Variants in AVIL observed in about 807,000 individuals in gnomAD.
AVIL encodes the protein advillin.
AVIL carries 78 observed loss-of-function variants against 109.9 expected under a neutral mutation model. The observed-to-expected ratio is 0.71, with a 90% confidence interval of 0.59 to 0.86. The LOEUF (loss-of-function observed/expected upper bound fraction) is 0.86. Among genes scored for constraint, AVIL ranks in the 40% least tolerant of loss-of-function variants. The probability of loss-of-function intolerance (pLI) is 0.00; values close to 1 mark genes in which losing one functional copy is unlikely to be tolerated. For synonymous variants in AVIL, 367 were observed against 379.1 expected (o/e 0.97, Z 0.37); for missense variants, 892 against 1,016.5 (o/e 0.88, Z 1.67).
chr12:57,810,242 C>G, intron 7 of AVIL, 107 bp downstream of exon 7: 1 of 1,230,546 alleles, frequency 8.1e-7, no homozygotes, highest in Non-Finnish European at 1.1e-6. Flanking sequence ...AGAAGAAAAC[C>G]AGATGGCTAC....
intron 4 of AVIL, among the ~76,000 whole-genome samples, chr12:57,811,638 A>G (rs1956039732): frequency 6.6e-6 from 1 of 152,228 alleles, no homozygotes; most frequent in South Asian, 2.1e-4. Flanking sequence ...GGGAATGCGG[A>G]AGGTAGCCCT....
At chr12:57,810,765 AG>A in intron 6 of AVIL, 50 bp downstream of exon 6, 1 of 1,569,230 alleles carries the variant, frequency 6.4e-7, no homozygotes, top group Non-Finnish European at 8.8e-7. Flanking sequence ...GCCAGCATGG[AG>A]GGAAGAAGAA....
intron 1 of AVIL, among the ~76,000 whole-genome samples, chr12:57,817,157 T>A (rs1040070410): frequency 1.5e-4 from 23 of 152,020 alleles, no homozygotes; most frequent in East Asian, 5.8e-4. Flanking sequence ...ATAACATGCA[T>A]AATTAATGTA....
intron 2 of AVIL, chr12:57,815,532 G>A: frequency 1.7e-6 from 2 of 1,190,710 alleles, no homozygotes; most frequent in South Asian, 1.5e-5. Context: ...CCAAGCCCAA[G>A]AGGAGACGGG....
intron 3 of AVIL, among the ~76,000 whole-genome samples, chr12:57,813,677 CG>C (rs1378514725): frequency 2.6e-5 from 4 of 152,218 alleles, no homozygotes; most frequent in Admixed American, 2.6e-4. Context: ...TAGATACCAA[CG>C]GGGATCTTTT....
chr12:57,816,945 A>G (rs1956107565), intron 1 of AVIL, among the ~76,000 whole-genome samples: 1 of 151,700 alleles, frequency 6.6e-6, no homozygotes, highest in Non-Finnish European at 1.5e-5. Flanking sequence ...TGAACCTCAG[A>G]CACTTAGACG....
intron 16 of AVIL, chr12:57,802,596 C>A (rs1238629317): frequency 1.4e-6 from 1 of 706,794 alleles, no homozygotes. Flanking sequence ...ACTTCAGCTT[C>A]CTGAATCCAA....
rs1410699743 is a variant in AVIL, at chr12:57,810,552, C to G, written c.559-1G>C. 1.9e-6 allele frequency: 3 copies of G among 1,612,996 alleles called. No individual in the cohort carries two copies. On this transcript the variant is annotated splice_acceptor_variant, in intron 6 of 19. Transcript: ENST00000549994. LOFTEE classifies it high-confidence loss of function. Reference sequence around the variant, plus strand: ...GAATATCCTTTGCCAGAAGCATAGCCTGTCAAAGAAGCCCAAGGAAGCCCT... The same window carrying G: ...GAATATCCTTTGCCAGAAGCATAGCGTGTCAAAGAAGCCCAAGGAAGCCCT...
chr12:57,813,691 C>T (rs1320252934), intron 3 of AVIL, among the ~76,000 whole-genome samples: 3 of 152,228 alleles, frequency 2.0e-5, no homozygotes, highest in African/African-American at 7.2e-5. Context: ...GATCTTTTCC[C>T]AGCCGGGTTG....
intron 9 of AVIL, chr12:57,808,798 G>A (rs988990952): frequency 2.0e-5 from 10 of 488,606 alleles, no homozygotes; most frequent in Non-Finnish European, 3.6e-5. Flanking sequence ...GGATGATTAT[G>A]CTGTGTTCTT....
intron 16 of AVIL, 92 bp from the exon 17 acceptor site, chr12:57,802,440 T>G: frequency 7.0e-7 from 1 of 1,426,796 alleles, no homozygotes; most frequent in South Asian, 1.2e-5. Context: ...CCCCTTTCTT[T>G]CGTGAGCAAT....
chr12:57,813,576 G>C (rs544044828), intron 3 of AVIL, among the ~76,000 whole-genome samples, 153 bp from the exon 4 acceptor site: 301 of 152,284 alleles, frequency 2.0e-3, no homozygotes, highest in African/African-American at 6.9e-3. Flanking sequence ...CCTGGCCCCC[G>C]AGCAGACCTG....
chr12:57,808,310 T>C lies in AVIL; in HGVS notation c.1094-16A>G. 1 of 1,614,188 alleles carries C rather than the reference T, an allele frequency of 6.2e-7. No homozygotes were observed. The highest frequency in any genetic ancestry group is 8.5e-7 in the Non-Finnish European group (1 of 1,180,024). On this transcript the variant is annotated splice_polypyrimidine_tract_variant and intron_variant, in intron 10 of 19. Transcript: ENST00000549994. ...AAAACTTTAGCTGTGGAGAAAGGGT[T>C]GGGAAAAGCCGAGTGAGTAAGAAGC...
chr12:57,816,094 C>G (rs1956098552), intron 1 of AVIL, 35 bp from the exon 2 acceptor site: 1 of 1,551,756 alleles, frequency 6.4e-7, no homozygotes, highest in South Asian at 1.2e-5. Context: ...GAGATGATAT[C>G]TCTTGCCATA....
At chr12:57,801,833 T>C (rs1267962202) in intron 17 of AVIL, among the ~76,000 whole-genome samples, 1 of 152,230 alleles carries the variant, frequency 6.6e-6, no homozygotes. Context: ...TCCTCTTAGC[T>C]TCCTTATCAA....
At chr12:57,798,829 C>A (rs1955788733) in intron 19 of AVIL, among the ~76,000 whole-genome samples, 2 of 151,988 alleles carry the variant, frequency 1.3e-5, no homozygotes, top group African/African-American at 4.8e-5. Context: ...ATTGGCCAGG[C>A]CAGTCTCGAA....
chr12:57,814,091 G>T, intron 3 of AVIL, 61 bp downstream of exon 3: 1 of 1,568,428 alleles, frequency 6.4e-7, no homozygotes, highest in South Asian at 1.1e-5. Flanking sequence ...ACATCTCCCA[G>T]TACAGCCCAA....
intron 14 of AVIL, among the ~76,000 whole-genome samples, chr12:57,805,392 G>A (rs1269900597): frequency 6.6e-6 from 1 of 152,056 alleles, no homozygotes; most frequent in Non-Finnish European, 1.5e-5. Context: ...AATATGAATT[G>A]ACATCATATT....
rs141539881 is a variant in AVIL, at chr12:57,803,636, C to G, written c.1705G>C (p.Glu569Gln). The G allele has an allele frequency of 5.0e-5, 80 of 1,614,058 alleles. No individual in the cohort carries two copies. The highest frequency in any genetic ancestry group is 6.7e-5 in the Non-Finnish European group (79 of 1,180,040). The part of the protein sequence containing the change: ...SSGDERAMAK[E>Q]LASLLCDGSE... ...CCATCACAGAGAAGGCTGGCCAGCTCCTTAGCCATTGCCCGCTCATCCCCA... is the reference window on the plus strand; with the variant it reads ...CCATCACAGAGAAGGCTGGCCAGCTGCTTAGCCATTGCCCGCTCATCCCCA... The change falls in exon 15 of 20, where the codon GAG (glutamate) becomes CAG (glutamine). Residue 569 changes from glutamate (E) to glutamine (Q), a missense_variant. Coordinates refer to ENST00000549994, the MANE Select transcript of AVIL (RefSeq NM_006576.4).
Sources: allele counts gnomAD v4.1 joint callset (sites outside exome capture counted in the v4.1 genomes callset), GRCh38; gene constraint gnomAD v4.1.1; transcripts MANE v1.5; gene names NCBI Gene and HGNC (gene_info 2026-07-23, HGNC 2026-07-21).